The following PTP4A2 variants were observed in gnomAD, a reference collection of about 807,000 sequenced individuals.
PTP4A2 encodes the protein protein tyrosine phosphatase 4A2, also known as protein tyrosine phosphatase type IVA 2.
A neutral mutation model predicts 22.9 loss-of-function variants in PTP4A2; 2 were observed. The observed-to-expected ratio is 0.09, with a 90% CI of 0.04 to 0.27. PTP4A2 has a LOEUF of 0.27. Ranked by LOEUF, PTP4A2 falls within the 10% of genes least tolerant of loss-of-function variation. The pLI, the probability that PTP4A2 is intolerant of heterozygous loss-of-function variation, is 1.00. For missense variants in PTP4A2, 103 were observed against 205.1 expected (o/e 0.50, Z 3.04); for synonymous variants, 68 against 69.1 (o/e 0.98, Z 0.08).
At position 31,914,463 on chromosome 1, in the gene PTP4A2, T is replaced by C. The variant is rs79596192; in HGVS notation, c.189+1432A>G. 760 of 318,830 alleles carry C rather than the reference T, an allele frequency of 2.4e-3. 6 individuals are homozygous for C. Among genetic ancestry groups the C allele is most frequent in the African/African-American group, 0.016 (709 of 45,292 alleles). 19.8% of individuals were successfully genotyped at this position (318,830 alleles called of 1,614,324 possible). On this transcript the variant is annotated intron_variant, in intron 3 of 5. Coordinates refer to ENST00000647444, the MANE Select transcript of PTP4A2 (RefSeq NM_080391.4). ...TGGATCAGATATAAGAGGACTGCCT[T>C]ACCAATAGGTCATTATTCTTTTTGC...
chr1:31,915,406 G>A (rs541090727), intron 3 of PTP4A2: 1 of 152,208 alleles, frequency 6.6e-6, no homozygotes, highest in African/African-American at 2.4e-5. Flanking sequence ...CCAGGCTGGA[G>A]TGCAGTGGCA....
chr1:31,925,286 C>T (rs1011818368), intron 1 of PTP4A2, among the ~76,000 whole-genome samples: 2 of 152,178 alleles, frequency 1.3e-5, no homozygotes, highest in African/African-American at 2.4e-5. Flanking sequence ...AATCAAACTA[C>T]GTTCTTAACA....
intron 1 of PTP4A2, among the ~76,000 whole-genome samples, chr1:31,920,536 CT>C (rs35696767): frequency 0.13 from 17,252 of 130,114 alleles, 708 homozygotes; most frequent in East Asian, 0.3. Context: ...CTTCCATGAA[CT>C]TTTTTTTTTT....
At chr1:31,936,421 A>C (rs980851888) in intron 1 of PTP4A2, among the ~76,000 whole-genome samples, 3 of 152,058 alleles carry the variant, frequency 2.0e-5, no homozygotes, top group South Asian at 2.1e-4. Context: ...CAAAAAAAAA[A>C]CAAAAGGACC....
chr1:31,935,840 T>G (rs373876059), intron 1 of PTP4A2, among the ~76,000 whole-genome samples: 43 of 151,984 alleles, frequency 2.8e-4, no homozygotes, highest in African/African-American at 1.0e-3. Flanking sequence ...TTTCTTCTTA[T>G]TTTTTTTGAG....
Position 31,908,742 on chromosome 1 carries a change from G to T in PTP4A2, c.*110C>A. On this transcript the variant is annotated 3_prime_UTR_variant, in exon 6 of 6. Transcript: ENST00000647444. The stretch of plus-strand genomic sequence containing the variant: ...ATTAGGAGAGTGGTTGAGGAGTACT[G>T]AATCCATCACTACTTTGATGACACA... The T allele has an allele frequency of 1.3e-6, 1 of 747,882 alleles. No homozygotes were observed. Among genetic ancestry groups the T allele is most frequent in the Non-Finnish European group, 2.3e-6 (1 of 429,180 alleles). 46.3% of individuals were successfully genotyped at this position (747,882 alleles called of 1,614,324 possible). A position where few individuals can be genotyped will look rare whatever the true frequency, so the allele number is the denominator to read the frequency against.
chr1:31,913,912 C>A, intron 3 of PTP4A2: 1 of 455,122 alleles, frequency 2.2e-6, no homozygotes, highest in Non-Finnish European at 4.4e-6. Flanking sequence ...AACTTGTATG[C>A]AGCTTATTTT....
intron 1 of PTP4A2, among the ~76,000 whole-genome samples, chr1:31,935,873 C>A (rs1055075821): frequency 5.9e-5 from 9 of 152,034 alleles, no homozygotes; most frequent in Admixed American, 6.6e-5. Flanking sequence ...TGGCTCACTG[C>A]AGCCTTGACT....
rs756746445 is a variant in PTP4A2 at position 31,911,737 on chromosome 1, T to C, written c.279A>G (p.Pro93=). 1.9e-6 allele frequency: 3 copies of C among 1,607,896 alleles called. No individual in the cohort carries two copies. ...CACAATGCACTGCAACACAGCAACC[T>C]GGCTCTTCACGAAATTTGGTTTTTA... ...NLLKTKFREE[P]GCCVAVHCVA... is the part of the protein sequence containing the mutation. Residue 93 remains proline, a synonymous_variant, in exon 4 of 6, where the codon CCA becomes CCG. Coordinates refer to ENST00000647444, the MANE Select transcript of PTP4A2 (RefSeq NM_080391.4).
chr1:31,930,970 C>T (rs925309700), intron 1 of PTP4A2: 2 of 152,168 alleles, frequency 1.3e-5, no homozygotes, highest in Non-Finnish European at 2.9e-5. Flanking sequence ...CCTTTTCTTC[C>T]CAATTAAAGA....
intron 2 of PTP4A2, 128 bp from the exon 3 acceptor site, chr1:31,916,115 G>A: frequency 3.5e-6 from 2 of 568,010 alleles, no homozygotes; most frequent in East Asian, 3.1e-5. Flanking sequence ...GGAGGCCTGA[G>A]GCGGGCATAT....
intron 1 of PTP4A2, chr1:31,921,366 A>C (rs1266381997): frequency 6.6e-6 from 1 of 152,144 alleles, no homozygotes; most frequent in East Asian, 1.9e-4. Context: ...CTAATGTATA[A>C]ACCTCATCCT....
rs564016352 is a variant in PTP4A2, at chr1:31,906,452, A to G, written c.*2400T>C. On this transcript the variant is annotated 3_prime_UTR_variant, in exon 6 of 6. Transcript: ENST00000647444. ...GTAAAATATGTTTTATTGTTCTTTA[A>G]AAGGGTTCAGGGTTTGGTTTTAAAT... 1 of 152,288 alleles carries G rather than the reference A, an allele frequency of 6.6e-6. No individual in the cohort carries two copies. Among genetic ancestry groups the G allele is most frequent in the African/African-American group, 2.4e-5 (1 of 41,562 alleles). 9.4% of individuals were successfully genotyped at this position (152,288 alleles called of 1,614,324 possible).
intron 2 of PTP4A2, among the ~76,000 whole-genome samples, chr1:31,916,638 C>A (rs1651863178): frequency 1.3e-5 from 2 of 152,094 alleles, no homozygotes; most frequent in South Asian, 4.1e-4. Context: ...ACAGCACATT[C>A]ACCACAAACT....
At chr1:31,925,767 A>G (rs571555270) in intron 1 of PTP4A2, among the ~76,000 whole-genome samples, 1 of 151,580 alleles carries the variant, frequency 6.6e-6, no homozygotes, top group East Asian at 1.9e-4. Context: ...CTCAAAAAAA[A>G]AAAAGGTGAA....
intron 1 of PTP4A2, among the ~76,000 whole-genome samples, chr1:31,925,876 T>G (rs1384869826): frequency 2.0e-5 from 3 of 151,960 alleles, no homozygotes; most frequent in African/African-American, 7.2e-5. Flanking sequence ...GCGGGCACAG[T>G]GGCTCATGCC....
intron 4 of PTP4A2, chr1:31,910,836 C>T (rs143717726): frequency 6.6e-5 from 10 of 152,232 alleles, no homozygotes; most frequent in East Asian, 3.9e-4. Flanking sequence ...AGGTGCTAGA[C>T]GTTTTCAAGA....
rs1652024040 is a variant in PTP4A2 at position 31,919,362 on chromosome 1, T to G, written c.-297A>C. ...ACTACATACAAAACTTAAGCAGCCT[T>G]TACTACATTTAGGCACTAGTGAGAC... On this transcript the variant is annotated 5_prime_UTR_variant, in exon 2 of 6. Transcript: ENST00000647444. 5.2e-6 allele frequency: 1 copy of G among 190,738 alleles called. No individual in the cohort carries two copies. The highest frequency in any genetic ancestry group is 1.1e-5 in the Non-Finnish European group (1 of 91,878). 11.8% of individuals were successfully genotyped at this position (190,738 alleles called of 1,614,324 possible). A position where few individuals can be genotyped will look rare whatever the true frequency, so the allele number is the denominator to read the frequency against.
At position 31,906,757 on chromosome 1, in the gene PTP4A2, C is replaced by CACACACACACACAT. The variant is rs1651188581; in HGVS notation, c.*2094_*2095insATGTGTGTGTGTGT. ...GCGTGCACACACACACACACACATA[C>CACACACACACACAT]ACACACACACACACACACACACACA... is the stretch of plus-strand genomic sequence containing the variant. On this transcript the variant is annotated 3_prime_UTR_variant, in exon 6 of 6. Transcript: ENST00000647444. 1 of 25,376 alleles carries CACACACACACACAT rather than the reference C, an allele frequency of 3.9e-5. No individual in the cohort carries two copies. The highest frequency in any genetic ancestry group is 1.1e-4 in the Non-Finnish European group (1 of 8,828). The allele number at this position is 25,376 out of a possible 1,614,324, so 1.6% of individuals were successfully genotyped here. A position where few individuals can be genotyped will look rare whatever the true frequency, so the allele number is the denominator to read the frequency against.
Sources: allele counts gnomAD v4.1 joint callset (sites outside exome capture counted in the v4.1 genomes callset), GRCh38; gene constraint gnomAD v4.1.1; transcripts MANE v1.5; gene names NCBI Gene and HGNC (gene_info 2026-07-23, HGNC 2026-07-21).